Variants in PRKAG2 observed in about 807,000 individuals in gnomAD.
The protein encoded by PRKAG2 is 5'-AMP-activated protein kinase subunit gamma-2.
A neutral mutation model predicts 69.6 loss-of-function variants in PRKAG2; 26 were observed. The observed-to-expected ratio is 0.37, with a 90% CI of 0.27 to 0.52. The LOEUF (loss-of-function observed/expected upper bound fraction) is 0.52. Ranked by LOEUF, PRKAG2 falls within the 20% of genes least tolerant of loss-of-function variation. PRKAG2 has a pLI of 0.90. For synonymous variants in PRKAG2, 293 were observed against 285.0 expected (o/e 1.03, Z -0.28); for missense variants, 557 against 740.0 (o/e 0.75, Z 2.87).
chr7:151,707,190 C>T (rs1031798067), intron 3 of PRKAG2, among the ~76,000 whole-genome samples: 4 of 152,314 alleles, frequency 2.6e-5, no homozygotes, highest in Middle Eastern at 3.4e-3. Context: ...CTCCTCCCTC[C>T]GACGCTGCCC....
intron 5 of PRKAG2, among the ~76,000 whole-genome samples, chr7:151,628,789 A>G (rs923035306): frequency 1.3e-5 from 2 of 152,222 alleles, no homozygotes; most frequent in African/African-American, 4.8e-5. Context: ...AGTAACTACA[A>G]ACACTTAATG....
chr7:151,856,729 G>A (rs1419321992), intron 1 of PRKAG2, among the ~76,000 whole-genome samples: 1 of 152,106 alleles, frequency 6.6e-6, no homozygotes, highest in Non-Finnish European at 1.5e-5. Context: ...CCACACACAC[G>A]GTCACGGCGT....
At chr7:151,734,561 GT>G (rs931322324) in intron 3 of PRKAG2, among the ~76,000 whole-genome samples, 3 of 152,088 alleles carry the variant, frequency 2.0e-5, no homozygotes, top group Non-Finnish European at 4.4e-5. Context: ...ACTCTGATTT[GT>G]TTTTTTAGAT....
At chr7:151,602,371 A>G (rs1004907330) in intron 5 of PRKAG2, among the ~76,000 whole-genome samples, 1 of 152,248 alleles carries the variant, frequency 6.6e-6, no homozygotes, top group African/African-American at 2.4e-5. Context: ...GAATTTTCAT[A>G]AAAGAGGTAC....
chr7:151,766,248 C>T (rs2075727182), intron 3 of PRKAG2, among the ~76,000 whole-genome samples: 1 of 152,210 alleles, frequency 6.6e-6, no homozygotes, highest in Admixed American at 6.5e-5. Context: ...GTTCTTCCAA[C>T]TTCACTTACA....
intron 1 of PRKAG2, among the ~76,000 whole-genome samples, chr7:151,838,257 C>A (rs373113096): frequency 2.0e-5 from 3 of 152,156 alleles, no homozygotes; most frequent in African/African-American, 7.2e-5. Flanking sequence ...GGGGCTGTGG[C>A]GTTGCACCAC....
intron 3 of PRKAG2, among the ~76,000 whole-genome samples, chr7:151,684,716 C>A (rs989253530): frequency 6.6e-6 from 1 of 152,106 alleles, no homozygotes; most frequent in African/African-American, 2.4e-5. Context: ...CTCCACCCTG[C>A]GGCCCCTCCA....
At position 151,699,503 on chromosome 7, in the gene PRKAG2, G is replaced by C. The variant is rs1219868488; in HGVS notation, c.467-23866C>G. Among the ~76,000 whole-genome samples, 1 of 152,224 alleles carries C rather than the reference G, an allele frequency of 6.6e-6. No individual in the cohort carries two copies. The highest frequency in any genetic ancestry group is 1.5e-5 in the Non-Finnish European group (1 of 68,042). ...CACAGGAGGCCCCTCCTTCCTGTTGGAGATGTTTAGTTTTATGATTAAGAA... is the reference window on the plus strand; with the variant it reads ...CACAGGAGGCCCCTCCTTCCTGTTGCAGATGTTTAGTTTTATGATTAAGAA... On this transcript the variant is annotated intron_variant, in intron 3 of 15. Transcript: ENST00000287878. This position sits in a 1 kb window ranked among gnomAD's most constrained non-coding sequence, Gnocchi z 4.5.
At chr7:151,631,289 ACATTT>A (rs932593828) in intron 5 of PRKAG2, among the ~76,000 whole-genome samples, 3 of 152,248 alleles carry the variant, frequency 2.0e-5, no homozygotes, top group Non-Finnish European at 4.4e-5. Flanking sequence ...TGAGCTCATC[ACATTT>A]CATTTTACAT....
chr7:151,814,677 C>G lies in PRKAG2; in HGVS notation c.115-28136G>C, dbSNP rs908652425. ...GATGGGGACCGGGGCTGGGTGTGTT[C>G]CCAGTCCCCAAGGCAGCGCAACAAG... On this transcript the variant is annotated intron_variant, in intron 1 of 15. Transcript: ENST00000287878. The surrounding 1 kb of genome is among the most constrained non-coding windows in gnomAD (Gnocchi z 4.8). The G allele has an allele frequency of 8.1e-7, 1 of 1,231,686 alleles. No individual in the cohort carries two copies. The highest frequency in any genetic ancestry group is 4.1e-5 in the South Asian group (1 of 24,328). 76.3% of individuals were successfully genotyped at this position (1,231,686 alleles called of 1,614,324 possible).
rs752365406 is a variant in PRKAG2, at chr7:151,624,135, A to AGCGT, written c.754+7930_754+7933dup. On this transcript the variant is annotated intron_variant, in intron 5 of 15. Transcript: ENST00000287878. ...AACAGCTCCAAGTGGGACAGAAGGC[A>AGCGT]GCGTGTGTGTGTGTGTGTGTGTGTG... 6.5e-5 allele frequency among the ~76,000 whole-genome samples: 7 copies of AGCGT among 107,604 alleles called. No homozygotes were observed. In the East Asian group the frequency reaches 1.5e-3, roughly 23 times the overall value. 70.6% of individuals were successfully genotyped at this position (107,604 alleles called of 152,430 possible).
intron 3 of PRKAG2, among the ~76,000 whole-genome samples, chr7:151,711,620 C>T (rs1032699498): frequency 6.6e-6 from 1 of 152,226 alleles, no homozygotes; most frequent in Non-Finnish European, 1.5e-5. Context: ...AATCTCCATC[C>T]ACCAAGGAGG....
intron 5 of PRKAG2, among the ~76,000 whole-genome samples, chr7:151,628,982 T>G (rs893992837): frequency 2.0e-5 from 3 of 152,104 alleles, no homozygotes; most frequent in Non-Finnish European, 4.4e-5. Context: ...ATGGAAAGCA[T>G]GCAGCCCTCA....
chr7:151,768,383 C>T lies in PRKAG2; in HGVS notation c.466+12769G>A, dbSNP rs569840617. Among the ~76,000 whole-genome samples the T allele has an allele frequency of 2.0e-4, 31 of 152,336 alleles. No homozygotes were observed. The South Asian group carries it at 2.5e-3, about 12-fold the overall frequency. ...GACCCCACCAAAACCCCATTAGCAA[C>T]GGCAAAGCTTAAATAAATCAGAAGC... On this transcript the variant is annotated intron_variant, in intron 3 of 15. Coordinates refer to ENST00000287878, the MANE Select transcript of PRKAG2 (RefSeq NM_016203.4).
chr7:151,745,056 T>C (rs61350941), intron 3 of PRKAG2, among the ~76,000 whole-genome samples: 6,971 of 152,270 alleles, frequency 0.046, 509 homozygotes, highest in African/African-American at 0.15. Context: ...CTGGCTCTGC[T>C]GGTTCCTCAT....
At chr7:151,569,280 C>G (rs1306348196) in intron 10 of PRKAG2, among the ~76,000 whole-genome samples, 1 of 152,230 alleles carries the variant, frequency 6.6e-6, no homozygotes, top group Non-Finnish European at 1.5e-5. Flanking sequence ...AGCGATCCAC[C>G]CACCATGGCC....
Position 151,814,587 on chromosome 7 carries a change from T to G in PRKAG2, c.115-28046A>C. 1 of 1,231,794 alleles carries G rather than the reference T, an allele frequency of 8.1e-7. No individual in the cohort carries two copies. The highest frequency in any genetic ancestry group is 3.2e-5 in the East Asian group (1 of 31,710). 76.3% of individuals were successfully genotyped at this position (1,231,794 alleles called of 1,614,324 possible). A position where few individuals can be genotyped will look rare whatever the true frequency, so the allele number is the denominator to read the frequency against. On this transcript the variant is annotated intron_variant, in intron 1 of 15. Transcript: ENST00000287878. This position sits in a 1 kb window ranked among gnomAD's most constrained non-coding sequence, Gnocchi z 4.8. Reference sequence around the variant, plus strand: ...ATCAGAGAAGGGGTTTCCCAGCCCCTTCAGCACAGGCAATTTCTAGGGTTC... The same window carrying G: ...ATCAGAGAAGGGGTTTCCCAGCCCCGTCAGCACAGGCAATTTCTAGGGTTC...
chr7:151,814,357 C>G lies in PRKAG2; in HGVS notation c.115-27816G>C. Reference sequence around the variant, plus strand: ...AAGCATCGTGAGGGGGAAAACCGCACACCCAGGGACGCACAATCACTATGC... The same window carrying G: ...AAGCATCGTGAGGGGGAAAACCGCAGACCCAGGGACGCACAATCACTATGC... On this transcript the variant is annotated intron_variant, in intron 1 of 15. Transcript: ENST00000287878. The surrounding 1 kb of genome is among the most constrained non-coding windows in gnomAD (Gnocchi z 4.8). The G allele has an allele frequency of 8.7e-7, 1 of 1,147,780 alleles. No homozygotes were observed. 71.1% of individuals were successfully genotyped at this position (1,147,780 alleles called of 1,614,324 possible).
chr7:151,605,647 G>T (rs2151190148), intron 5 of PRKAG2, among the ~76,000 whole-genome samples: 1 of 150,430 alleles, frequency 6.6e-6, no homozygotes, highest in South Asian at 2.1e-4. Context: ...TGAGGCACAA[G>T]AATTGCTTCA....
Sources: allele counts gnomAD v4.1 joint callset (sites outside exome capture counted in the v4.1 genomes callset), GRCh38; gene constraint gnomAD v4.1.1; non-coding constraint Gnocchi (gnomAD v3.1); transcripts MANE v1.5; gene names NCBI Gene and HGNC (gene_info 2026-07-23, HGNC 2026-07-21).